The following PTPN3 variants were observed in gnomAD, a reference collection of about 807,000 sequenced individuals.
PTPN3 encodes the protein tyrosine-protein phosphatase non-receptor type 3.
Under a neutral mutation model 132.7 loss-of-function variants are expected in PTPN3, and 96 were observed. The ratio of observed to expected loss-of-function variants is 0.72; its 90% CI spans 0.61 to 0.86. The LOEUF is 0.86. Ranked by LOEUF, PTPN3 falls within the 40% of genes least tolerant of loss-of-function variation. The probability of loss-of-function intolerance (pLI) is 0.00; values close to 1 mark genes in which losing one functional copy is unlikely to be tolerated. For synonymous variants in PTPN3, 398 were observed against 429.0 expected, an observed-to-expected ratio of 0.93 and a Z score of 0.89; for missense variants, 1,125 against 1,159.6, an observed-to-expected ratio of 0.97 and a Z score of 0.43.
chr9:109,489,596 A>G (rs1847365721), intron 1 of PTPN3, among the ~76,000 whole-genome samples: 1 of 152,064 alleles, frequency 6.6e-6, no homozygotes, highest in Non-Finnish European at 1.5e-5. Context: ...TCTGGTTGGG[A>G]TGATAAATTC....
intron 23 of PTPN3, 105 bp from the exon 24 acceptor site, chr9:109,382,552 T>G: frequency 7.7e-7 from 1 of 1,303,894 alleles, no homozygotes. Context: ...GCTTTCTCCC[T>G]CTGCGCACAG....
the PTPN3 span, among the ~76,000 whole-genome samples, chr9:109,528,342 A>G: frequency 6.6e-6 from 1 of 152,264 alleles, no homozygotes. Flanking sequence ...ATGTCCATTA[A>G]CAGTAGAGAG....
At chr9:109,499,918 T>TC (rs1847837133), upstream of PTPN3, among the ~76,000 whole-genome samples, 1 of 151,852 alleles carries the variant, frequency 6.6e-6, no homozygotes. Context: ...TCAGCACCAC[T>TC]CGGACGGGCG....
At chr9:109,498,739 A>AC (rs1453211036), upstream of PTPN3, among the ~76,000 whole-genome samples, 1 of 151,486 alleles carries the variant, frequency 6.6e-6, no homozygotes, top group Non-Finnish European at 1.5e-5. The surrounding 1 kb of genome is among the most constrained non-coding windows in gnomAD (Gnocchi z 4.2). Flanking sequence ...GGCTCGTGGG[A>AC]CCCCTACCTG....
At chr9:109,471,924 C>T (rs923435496) in intron 1 of PTPN3, among the ~76,000 whole-genome samples, 1 of 152,218 alleles carries the variant, frequency 6.6e-6, no homozygotes, top group African/African-American at 2.4e-5. Context: ...TTGGTTCTGC[C>T]TGTCTATGCT....
chr9:109,382,206 G>C, intron 24 of PTPN3, 96 bp downstream of exon 24: 1 of 1,418,298 alleles, frequency 7.1e-7, no homozygotes, highest in South Asian at 1.3e-5. Flanking sequence ...ACACGACTTT[G>C]TGGGATGTAG....
chr9:109,400,506 A>C (rs1475030439), intron 19 of PTPN3, among the ~76,000 whole-genome samples: 1 of 152,170 alleles, frequency 6.6e-6, no homozygotes, highest in Non-Finnish European at 1.5e-5. Context: ...GTGTAGGGAG[A>C]CAGCCTCTCA....
chr9:109,489,340 G>A (rs1270426390), intron 1 of PTPN3, among the ~76,000 whole-genome samples: 4 of 152,216 alleles, frequency 2.6e-5, no homozygotes, highest in Non-Finnish European at 5.9e-5. Context: ...CCACAGAGGT[G>A]TGGGGACCAA....
At chr9:109,477,178 G>C (rs1846713230) in intron 1 of PTPN3, among the ~76,000 whole-genome samples, 2 of 152,172 alleles carry the variant, frequency 1.3e-5, no homozygotes, top group African/African-American at 4.8e-5. Context: ...ACTGGAGGTG[G>C]TAAACGGAGC....
intron 10 of PTPN3, among the ~76,000 whole-genome samples, chr9:109,429,972 T>C (rs1313586132): frequency 6.6e-6 from 1 of 152,222 alleles, no homozygotes; most frequent in Non-Finnish European, 1.5e-5. Flanking sequence ...ATCCCCCAGA[T>C]GGATCAGCAA....
At chr9:109,523,523 C>T in the PTPN3 span, among the ~76,000 whole-genome samples, 1 of 150,474 alleles carries the variant, frequency 6.6e-6, no homozygotes, top group Non-Finnish European at 1.5e-5. Flanking sequence ...TAAGTTTCAG[C>T]CCTCCAGGCA....
At chr9:109,405,326 T>C (rs1289125340) in intron 18 of PTPN3, among the ~76,000 whole-genome samples, 2 of 151,632 alleles carry the variant, frequency 1.3e-5, no homozygotes, top group Non-Finnish European at 2.9e-5. Flanking sequence ...GGACTGAGAG[T>C]TGCAGTGGGA....
chr9:109,449,326 TGTGAAGA>T, intron 5 of PTPN3: 4 of 987,962 alleles, frequency 4.0e-6, no homozygotes, highest in Non-Finnish European at 4.8e-6. Flanking sequence ...GAGGGGAGTC[TGTGAAGA>T]CACCTTCTTG....
the PTPN3 span, among the ~76,000 whole-genome samples, chr9:109,523,165 G>A: frequency 3.3e-5 from 5 of 150,770 alleles, no homozygotes; most frequent in African/African-American, 1.2e-4. Context: ...CGCCCAGGCT[G>A]GTGTGCAGTG....
In PTPN3 at chr9:109,451,419, C is replaced by T. The variant is rs867628273; in HGVS notation, c.369-2564G>A. On this transcript the variant is annotated intron_variant, in intron 5 of 25. Coordinates refer to ENST00000374541, the MANE Select transcript of PTPN3 (RefSeq NM_002829.4). ...AAGGTGGGGGTGGGGTGTCAGTTGTCAACCAGTGAATTTTAGAAGAGACAG... is the reference window on the plus strand; with the variant it reads ...AAGGTGGGGGTGGGGTGTCAGTTGTTAACCAGTGAATTTTAGAAGAGACAG... 67 of 943,898 alleles carry T rather than the reference C, an allele frequency of 7.1e-5. No individual in the cohort carries two copies. In the Middle Eastern group the frequency reaches 1.6e-3, roughly 23 times the overall value. The allele number at this position is 943,898 out of a possible 1,614,324, so 58.5% of individuals were successfully genotyped here.
At chr9:109,388,832 C>T (rs944108826) in intron 22 of PTPN3, among the ~76,000 whole-genome samples, 3 of 152,188 alleles carry the variant, frequency 2.0e-5, no homozygotes, top group South Asian at 2.1e-4. Flanking sequence ...ACAGGGACAG[C>T]GCTGAGCTGC....
At chr9:109,501,434 T>A (rs944360), upstream of PTPN3, among the ~76,000 whole-genome samples, 595 of 152,258 alleles carry the variant, frequency 3.9e-3, 3 homozygotes, top group Admixed American at 8.4e-3. Context: ...TTTTGTAGGG[T>A]TTTTTGCCTT....
At chr9:109,479,878 T>C (rs1846879079) in intron 1 of PTPN3, among the ~76,000 whole-genome samples, 1 of 152,150 alleles carries the variant, frequency 6.6e-6, no homozygotes, top group South Asian at 2.1e-4. Context: ...CCCTATTATG[T>C]ACAGCTTTTT....
chr9:109,519,186 C>A, the PTPN3 span, among the ~76,000 whole-genome samples: 3 of 152,168 alleles, frequency 2.0e-5, no homozygotes, highest in Non-Finnish European at 4.4e-5. Flanking sequence ...ATTCTTCCTG[C>A]AACAGAAGAA....
Sources: gnomAD v4.1 joint callset for allele counts (sites outside exome capture counted in the v4.1 genomes callset) on GRCh38, gnomAD v4.1.1 for gene constraint, Gnocchi (gnomAD v3.1) non-coding constraint, MANE v1.5 for transcripts, NCBI Gene and HGNC (gene_info 2026-07-23, HGNC 2026-07-21) for gene names.